DPY19L3: variants seen among roughly 807,000 people sequenced by gnomAD.
DPY19L3 encodes protein C-mannosyl-transferase DPY19L3.
In DPY19L3, 51 loss-of-function variants were observed where a neutral mutation model predicts 92.3. The ratio of observed to expected loss-of-function variants is 0.55; its 90% CI spans 0.44 to 0.70. DPY19L3 has a LOEUF of 0.70. DPY19L3 is among the 30% of genes least tolerant of loss of function. DPY19L3 has a pLI of 0.00. For missense variants in DPY19L3, 706 were observed against 855.9 expected (o/e 0.82, Z 2.18); for synonymous variants, 309 against 315.2 (o/e 0.98, Z 0.21).
chr19:32,408,801 TTTTTTTTTCTTTTA>T (rs1003840167), intron 2 of DPY19L3, among the ~76,000 whole-genome samples: 2 of 152,088 alleles, frequency 1.3e-5, no homozygotes, highest in Non-Finnish European at 2.9e-5. Context: ...TTTGCTTTTT[TTTTTTTTTCTTTTA>T]TTGGTGGGAA....
chr19:32,468,311 A>G, intron 15 of DPY19L3: 2 of 988,800 alleles, frequency 2.0e-6, no homozygotes, highest in Non-Finnish European at 2.4e-6. Context: ...TCTGTCTTCT[A>G]CAGGATACAT....
At chr19:32,431,748 C>T (rs145910196) in intron 3 of DPY19L3, among the ~76,000 whole-genome samples, 1 of 152,126 alleles carries the variant, frequency 6.6e-6, no homozygotes. Context: ...CATCAGAAAA[C>T]AAAGGTGTCA....
Position 32,463,503 on chromosome 19 carries a change from C to A in DPY19L3, c.1445+15C>A. The A allele has an allele frequency of 1.2e-6, 2 of 1,606,932 alleles. No individual in the cohort carries two copies. The highest frequency in any genetic ancestry group is 2.2e-5 in the South Asian group (2 of 90,104). On this transcript the variant is annotated intron_variant, in intron 13 of 18. Transcript: ENST00000392250. The stretch of plus-strand genomic sequence containing the variant: ...AGTACAATGAGGTATTTTTGTCTTA[C>A]CTGTTTGTTTACTTTTTATTTGATC...
In DPY19L3 at chr19:32,458,409, A is replaced by G. The variant is rs1969934793; in HGVS notation, c.1222A>G (p.Thr408Ala). ...EEAFGLLPFN[T>A]FGRLSDTLLF... Reference sequence around the variant, plus strand: ...AGCTTTTGGCCTCCTGCCTTTTAATACATTTGGAAGGCTTTCAGATACTCT... The same window carrying G: ...AGCTTTTGGCCTCCTGCCTTTTAATGCATTTGGAAGGCTTTCAGATACTCT... Residue 408 changes from threonine (T) to alanine (A), a missense_variant, in exon 12 of 19, where the codon ACA becomes GCA. Coordinates refer to ENST00000392250, the MANE Select transcript of DPY19L3 (RefSeq NM_001172774.2). 6.2e-7 allele frequency: 1 copy of G among 1,613,726 alleles called. No homozygotes were observed.
chr19:32,458,620 C>T, intron 12 of DPY19L3, 111 bp downstream of exon 12: 1 of 1,122,448 alleles, frequency 8.9e-7, no homozygotes, highest in South Asian at 1.5e-5. Flanking sequence ...TAGTATTCAT[C>T]TTAAAGGGGG....
At position 32,463,437 on chromosome 19, in the gene DPY19L3, A is replaced by G. The variant is rs377294818; in HGVS notation, c.1394A>G (p.Tyr465Cys). ...GTTGACCTGAAACCAGAAACTGCCT[A>G]CAACTTAATACATACCATTCTGTTT... is the stretch of plus-strand genomic sequence containing the variant. ...GTVDLKPETAYNLIHTILFGF... is the reference protein window; with the variant it reads ...GTVDLKPETACNLIHTILFGF... The change falls in exon 13 of 19, where the codon TAC becomes TGC. Residue 465 changes from tyrosine to cysteine, a missense_variant. Transcript: ENST00000392250. 1.9e-6 allele frequency: 3 copies of G among 1,613,890 alleles called. No homozygotes were observed. Among genetic ancestry groups the G allele is most frequent in the Non-Finnish European group, 2.5e-6 (3 of 1,179,816 alleles).
intron 16 of DPY19L3, among the ~76,000 whole-genome samples, chr19:32,469,849 C>T (rs1258616657): frequency 6.6e-6 from 1 of 152,184 alleles, no homozygotes; most frequent in East Asian, 1.9e-4. Flanking sequence ...ATTCCTATGC[C>T]CTGGAACACT....
intron 6 of DPY19L3, among the ~76,000 whole-genome samples, chr19:32,438,224 G>C (rs2145496174): frequency 6.6e-6 from 1 of 152,172 alleles, no homozygotes; most frequent in South Asian, 2.1e-4. Context: ...TCTAATACAG[G>C]TTTTATTTTG....
At chr19:32,420,998 T>C (rs1350691770) in intron 3 of DPY19L3, among the ~76,000 whole-genome samples, 1 of 152,232 alleles carries the variant, frequency 6.6e-6, no homozygotes, top group African/African-American at 2.4e-5. Flanking sequence ...TAATCTACCT[T>C]ATCTGCTGTT....
intron 8 of DPY19L3, among the ~76,000 whole-genome samples, chr19:32,448,989 C>G (rs1907566712): frequency 6.6e-6 from 1 of 152,076 alleles, no homozygotes; most frequent in African/African-American, 2.4e-5. Flanking sequence ...TAGAAATACT[C>G]TCACTTGATA....
intron 10 of DPY19L3, among the ~76,000 whole-genome samples, chr19:32,457,850 A>T (rs1395049012): frequency 6.6e-6 from 1 of 152,198 alleles, no homozygotes; most frequent in Non-Finnish European, 1.5e-5. Context: ...TATTTTGCAT[A>T]TTTAACTTAT....
chr19:32,474,777 G>C (rs935501853), intron 16 of DPY19L3, among the ~76,000 whole-genome samples: 12 of 151,980 alleles, frequency 7.9e-5, no homozygotes, highest in Admixed American at 3.9e-4. Context: ...TTTTAGTAGA[G>C]ACAGGTTTCA....
intron 16 of DPY19L3, among the ~76,000 whole-genome samples, chr19:32,469,744 G>C (rs972190177): frequency 6.6e-6 from 1 of 152,094 alleles, no homozygotes; most frequent in Non-Finnish European, 1.5e-5. Context: ...TTTTGCCTCA[G>C]CATTCAGCAT....
In DPY19L3 at chr19:32,405,873, C is replaced by G. The variant is rs1469047841; in HGVS notation, c.-74C>G. The G allele has an allele frequency of 6.6e-6, 1 of 152,080 alleles. No individual in the cohort carries two copies. Among genetic ancestry groups the G allele is most frequent in the Non-Finnish European group, 1.5e-5 (1 of 68,066 alleles). 9.4% of individuals were successfully genotyped at this position (152,080 alleles called of 1,614,324 possible). On this transcript the variant is annotated 5_prime_UTR_variant, in exon 1 of 19. Coordinates refer to ENST00000392250, the MANE Select transcript of DPY19L3 (RefSeq NM_001172774.2). ...GCCTAGCCCCGTCGGCCTCCTTCCC[C>G]TCCCGGAGCCGCGCGTGAGGACGGC... is the stretch of plus-strand genomic sequence containing the variant.
intron 3 of DPY19L3, among the ~76,000 whole-genome samples, chr19:32,417,277 T>C (rs1309443521): frequency 6.6e-6 from 1 of 152,230 alleles, no homozygotes; most frequent in African/African-American, 2.4e-5. Flanking sequence ...GGGCCTTTCC[T>C]GTGCTGTTCT....
chr19:32,470,106 G>T (rs1970312495), intron 16 of DPY19L3, among the ~76,000 whole-genome samples: 1 of 152,240 alleles, frequency 6.6e-6, no homozygotes, highest in Admixed American at 6.5e-5. Flanking sequence ...CATGGCTTTG[G>T]TCCTAATGTC....
Position 32,428,250 on chromosome 19 carries a change from G to C in DPY19L3, c.238-4466G>C, listed in dbSNP as rs572913610. On this transcript the variant is annotated intron_variant, in intron 3 of 18. Coordinates refer to ENST00000392250, the MANE Select transcript of DPY19L3 (RefSeq NM_001172774.2). ...GCTTCCCAAAGTGTTGGGGTTACAGGTGTGAGCCACCGCGCCTGGCCTGTA... is the reference window on the plus strand; with the variant it reads ...GCTTCCCAAAGTGTTGGGGTTACAGCTGTGAGCCACCGCGCCTGGCCTGTA... 1.6e-4 allele frequency among the ~76,000 whole-genome samples: 24 copies of C among 152,286 alleles called. No homozygotes were observed. In the South Asian group the frequency reaches 4.8e-3, roughly 30 times the overall value.
At chr19:32,419,737 A>G (rs983061669) in intron 3 of DPY19L3, among the ~76,000 whole-genome samples, 12 of 152,140 alleles carry the variant, frequency 7.9e-5, no homozygotes, top group Admixed American at 2.6e-4. Flanking sequence ...CCTGACCTAC[A>G]TATTCTGTTT....
chr19:32,431,346 C>G (rs1968959918), intron 3 of DPY19L3, among the ~76,000 whole-genome samples: 1 of 150,952 alleles, frequency 6.6e-6, no homozygotes, highest in South Asian at 2.1e-4. Context: ...CCATTGCACT[C>G]CAGCCTGGGC....
Sources: allele counts gnomAD v4.1 joint callset (sites outside exome capture counted in the v4.1 genomes callset), GRCh38; gene constraint gnomAD v4.1.1; transcripts MANE v1.5; gene names NCBI Gene and HGNC (gene_info 2026-07-23, HGNC 2026-07-21).